Variants in ABLIM1 observed in about 807,000 individuals in gnomAD.
ABLIM1 encodes the protein actin binding LIM protein 1, also known as actin-binding LIM protein 1.
Under a neutral mutation model 107.0 loss-of-function variants are expected in ABLIM1, and 40 were observed. That is an observed-to-expected ratio of 0.37 (90% CI 0.29 to 0.49). ABLIM1 has a LOEUF of 0.49. ABLIM1 is among the 20% of genes least tolerant of loss of function. ABLIM1 has a pLI of 0.97. For missense variants in ABLIM1, 857 were observed against 1,008.5 expected (o/e 0.85, Z 2.04); for synonymous variants, 357 against 357.3 (o/e 1.00, Z 0.01).
chr10:114,595,332 T>C (rs2075309194), intron 2 of ABLIM1, among the ~76,000 whole-genome samples: 1 of 152,184 alleles, frequency 6.6e-6, no homozygotes. Flanking sequence ...TTAGAAGCAA[T>C]TCCCCCAGAG....
At chr10:114,515,302 C>T (rs1163818602) in intron 6 of ABLIM1, among the ~76,000 whole-genome samples, 1 of 138,992 alleles carries the variant, frequency 7.2e-6, no homozygotes, top group Non-Finnish European at 1.6e-5. Flanking sequence ...CCATTCCCTC[C>T]CGTGACCCTC....
upstream of ABLIM1, among the ~76,000 whole-genome samples, chr10:114,687,971 C>G (rs2080981967): frequency 6.6e-6 from 1 of 151,860 alleles, no homozygotes. Context: ...TGGTCCCATC[C>G]CAAGCTCAGC....
At chr10:114,650,730 T>C (rs2079202552) in intron 1 of ABLIM1, among the ~76,000 whole-genome samples, 1 of 152,188 alleles carries the variant, frequency 6.6e-6, no homozygotes, top group Admixed American at 6.5e-5. Flanking sequence ...TCATATCTAT[T>C]TTACAGCTCA....
intron 1 of ABLIM1, among the ~76,000 whole-genome samples, chr10:114,754,427 C>T (rs1436266182): frequency 6.6e-6 from 1 of 152,230 alleles, no homozygotes; most frequent in Non-Finnish European, 1.5e-5. Flanking sequence ...TGGTCCCTGG[C>T]TTCACAGAAT....
intron 2 of ABLIM1, among the ~76,000 whole-genome samples, chr10:114,593,937 G>A (rs568229612): frequency 7.9e-5 from 12 of 152,200 alleles, no homozygotes; most frequent in African/African-American, 2.9e-4. Context: ...AAGTACTCAG[G>A]ATCATCCTTT....
At chr10:114,780,065 G>A in the ABLIM1 span, among the ~76,000 whole-genome samples, 3 of 152,132 alleles carry the variant, frequency 2.0e-5, no homozygotes, top group African/African-American at 7.2e-5. Flanking sequence ...AAGGGCTGTG[G>A]CTGGAGGTTT....
At chr10:114,540,518 A>AG (rs1337994640) in intron 6 of ABLIM1, among the ~76,000 whole-genome samples, 1 of 152,168 alleles carries the variant, frequency 6.6e-6, no homozygotes, top group Non-Finnish European at 1.5e-5. Context: ...AAGGAATGAC[A>AG]GAGACAGAGA....
At chr10:114,456,377 A>G (rs2062824151) in intron 12 of ABLIM1, among the ~76,000 whole-genome samples, 1 of 152,214 alleles carries the variant, frequency 6.6e-6, no homozygotes, top group East Asian at 1.9e-4. Flanking sequence ...AAATGATTTA[A>G]TCCTATGAAC....
At chr10:114,672,866 T>C (rs1313491771) in intron 1 of ABLIM1, among the ~76,000 whole-genome samples, 6 of 152,206 alleles carry the variant, frequency 3.9e-5, no homozygotes, top group Non-Finnish European at 8.8e-5. Context: ...GAAAAATCCA[T>C]TCTTTCTGCA....
At chr10:114,445,921 C>T (rs1420245812) in intron 15 of ABLIM1, among the ~76,000 whole-genome samples, 2 of 152,124 alleles carry the variant, frequency 1.3e-5, no homozygotes, top group African/African-American at 4.8e-5. Context: ...AGGTGTATGC[C>T]ACCATACCCT....
At chr10:114,750,888 G>A (rs1436337286) in intron 1 of ABLIM1, among the ~76,000 whole-genome samples, 1 of 152,152 alleles carries the variant, frequency 6.6e-6, no homozygotes. Context: ...ATTTTCCCCT[G>A]AGTTCTCTAT....
At chr10:114,563,703 A>T (rs1030053867) in intron 4 of ABLIM1, among the ~76,000 whole-genome samples, 3 of 151,254 alleles carry the variant, frequency 2.0e-5, no homozygotes, top group African/African-American at 7.3e-5. Context: ...AAAATTAGCC[A>T]GTCGTGGTGA....
chr10:114,613,825 A>C (rs1273346653), intron 1 of ABLIM1: 7 of 1,041,836 alleles, frequency 6.7e-6, no homozygotes, highest in Non-Finnish European at 3.9e-6. Flanking sequence ...AGGCTCCTTC[A>C]AGCTCTCTTA....
intron 6 of ABLIM1, among the ~76,000 whole-genome samples, chr10:114,514,153 G>A (rs1459372454): frequency 1.3e-5 from 2 of 152,176 alleles, no homozygotes; most frequent in Admixed American, 1.3e-4. Context: ...GCCGGGTGCA[G>A]TGGCTCACGC....
intron 8 of ABLIM1, among the ~76,000 whole-genome samples, chr10:114,474,506 G>A (rs189411307): frequency 4.6e-5 from 7 of 150,594 alleles, no homozygotes; most frequent in South Asian, 2.1e-4. Flanking sequence ...TCAGCCTCCC[G>A]AGTAGCTAGA....
chr10:114,437,801 T>C lies in ABLIM1; in HGVS notation c.2223+43A>G, dbSNP rs1193837612. ...CTTAGGGGAGAGTTGGGGGAGTGCA[T>C]AGGGATCTGCAGTTGGGACTGGATT... is the stretch of plus-strand genomic sequence containing the variant. On this transcript the variant is annotated intron_variant, in intron 22 of 22. Coordinates refer to ENST00000533213, the MANE Select transcript of ABLIM1 (RefSeq NM_002313.7). 4 of 1,524,508 alleles carry C rather than the reference T, an allele frequency of 2.6e-6. No individual in the cohort carries two copies. The South Asian group carries it at 4.5e-5, about 17-fold the overall frequency. 94.4% of individuals were successfully genotyped at this position (1,524,508 alleles called of 1,614,324 possible). A position where few individuals can be genotyped will look rare whatever the true frequency, so the allele number is the denominator to read the frequency against.
chr10:114,545,454 C>T (rs1482124408), intron 5 of ABLIM1, among the ~76,000 whole-genome samples: 1 of 152,178 alleles, frequency 6.6e-6, no homozygotes, highest in Admixed American at 6.5e-5. Context: ...ACTGAGCCCA[C>T]ATAACAATAA....
At chr10:114,776,193 T>C in the ABLIM1 span, 1 of 149,860 alleles carries the variant, frequency 6.7e-6, no homozygotes, top group East Asian at 1.9e-4. Flanking sequence ...ATCTTTTTCT[T>C]TTTTTTTTTT....
rs140385025 is a variant in ABLIM1 at position 114,645,705 on chromosome 10, C to T, written c.244+12252G>A. Reference sequence around the variant, plus strand: ...ATACAAACACAAAGGAACTTGTATGCACACAGACTACGCCAAAGTACTTCT... The same window carrying T: ...ATACAAACACAAAGGAACTTGTATGTACACAGACTACGCCAAAGTACTTCT... On this transcript the variant is annotated intron_variant, in intron 1 of 22. Coordinates refer to ENST00000533213, the MANE Select transcript of ABLIM1 (RefSeq NM_002313.7). 2.0e-5 allele frequency among the ~76,000 whole-genome samples: 3 copies of T among 152,270 alleles called. No homozygotes were observed. In the East Asian group the frequency reaches 5.8e-4, roughly 29 times the overall value.
Sources: gnomAD v4.1 joint callset for allele counts (sites outside exome capture counted in the v4.1 genomes callset) on GRCh38, gnomAD v4.1.1 for gene constraint, MANE v1.5 for transcripts, NCBI Gene and HGNC (gene_info 2026-07-23, HGNC 2026-07-21) for gene names.